The following LPCAT2 variants were observed in gnomAD, a reference collection of about 807,000 sequenced individuals.
LPCAT2 encodes lysophosphatidylcholine acyltransferase 2.
Under a neutral mutation model 64.7 loss-of-function variants are expected in LPCAT2, and 58 were observed. The observed-to-expected ratio is 0.90, with a 90% CI of 0.73 to 1.12. The LOEUF is 1.12. LPCAT2 is among the 50% of genes most tolerant of loss of function. LPCAT2 has a pLI of 0.00. For synonymous variants in LPCAT2, 252 were observed against 245.3 expected (o/e 1.03, Z -0.26); for missense variants, 579 against 669.8 (o/e 0.86, Z 1.50).
At chr16:55,565,434 T>C (rs1318398715) in intron 11 of LPCAT2, among the ~76,000 whole-genome samples, 1 of 152,050 alleles carries the variant, frequency 6.6e-6, no homozygotes, top group African/African-American at 2.4e-5. Context: ...TTATTCCCAA[T>C]AGCCAAAAGG....
chr16:55,551,665 T>C (rs1963519578), intron 11 of LPCAT2, among the ~76,000 whole-genome samples: 2 of 152,242 alleles, frequency 1.3e-5, no homozygotes, highest in African/African-American at 4.8e-5. Context: ...TACAGTTTGC[T>C]GCTTATGAAT....
chr16:55,514,609 G>T (rs1962981061), intron 1 of LPCAT2, among the ~76,000 whole-genome samples: 1 of 152,138 alleles, frequency 6.6e-6, no homozygotes, highest in Non-Finnish European at 1.5e-5. Context: ...AAGGGGATGA[G>T]AATAATTTCC....
intron 8 of LPCAT2, among the ~76,000 whole-genome samples, chr16:55,544,684 T>C (rs1290597302): frequency 2.0e-5 from 3 of 152,166 alleles, no homozygotes; most frequent in Non-Finnish European, 4.4e-5. Context: ...GAATTAGCTT[T>C]CCTGTGTGCA....
Position 55,525,522 on chromosome 16 carries a change from G to C in LPCAT2, c.186G>C (p.Gly62=), listed in dbSNP as rs1963157109. ...TTGACTTTCAGATTGTCCTTCTTGG[G>C]ATTATCTTGCTTCCAATTCGTGTCT... ...SARRVQIVLL[G]IILLPIRVLL... Residue 62 remains glycine (G), a synonymous_variant, in exon 2 of 14, where the codon GGG becomes GGC. Coordinates refer to ENST00000262134, the MANE Select transcript of LPCAT2 (RefSeq NM_017839.5). The C allele has an allele frequency of 1.9e-6, 3 of 1,604,248 alleles. No individual in the cohort carries two copies. The East Asian group carries it at 6.7e-5, about 36-fold the overall frequency.
intron 7 of LPCAT2, among the ~76,000 whole-genome samples, chr16:55,535,736 A>G (rs544573068): frequency 6.6e-6 from 1 of 152,306 alleles, no homozygotes; most frequent in African/African-American, 2.4e-5. Flanking sequence ...GCATACTTCC[A>G]CTTTCTGAGG....
At chr16:55,547,913 G>T (rs946115026) in intron 9 of LPCAT2, among the ~76,000 whole-genome samples, 5 of 152,072 alleles carry the variant, frequency 3.3e-5, no homozygotes, top group African/African-American at 1.2e-4. Context: ...GATTACAGGC[G>T]CCCACCATCA....
chr16:55,549,568 T>A (rs1436544831), intron 10 of LPCAT2, among the ~76,000 whole-genome samples, 166 bp downstream of exon 10: 1 of 152,216 alleles, frequency 6.6e-6, no homozygotes, highest in East Asian at 1.9e-4. Flanking sequence ...CATCTACTTT[T>A]GCTTTTTCAA....
In LPCAT2 at chr16:55,585,217, T is replaced by C. The variant is rs143852943; in HGVS notation, c.*2119T>C. 15 of 152,334 alleles carry C rather than the reference T, an allele frequency of 9.8e-5. No individual in the cohort carries two copies. The East Asian group carries it at 2.9e-3, about 29-fold the overall frequency. 9.4% of individuals were successfully genotyped at this position (152,334 alleles called of 1,614,324 possible). A position where few individuals can be genotyped will look rare whatever the true frequency, so the allele number is the denominator to read the frequency against. ...TCTGATTCTGCCATTTTGTCTCAAA[T>C]GTAATATACCCTTTTAATATCATAT... On this transcript the variant is annotated 3_prime_UTR_variant, in exon 14 of 14. Transcript: ENST00000262134.
intron 5 of LPCAT2, 189 bp downstream of exon 5, chr16:55,532,163 TC>T (rs1431563461): frequency 5.6e-6 from 3 of 538,434 alleles, no homozygotes; most frequent in Non-Finnish European, 1.0e-5. Context: ...ATAATTCCTC[TC>T]CCCTTGGAGT....
At chr16:55,523,462 G>T (rs1963126196) in intron 1 of LPCAT2, among the ~76,000 whole-genome samples, 1 of 151,598 alleles carries the variant, frequency 6.6e-6, no homozygotes, top group Non-Finnish European at 1.5e-5. Context: ...GAAAATGTAT[G>T]GTCACACAGA....
In LPCAT2 at chr16:55,584,211, A is replaced by G. The variant is rs2142430095; in HGVS notation, c.*1113A>G. On this transcript the variant is annotated 3_prime_UTR_variant, in exon 14 of 14. Coordinates refer to ENST00000262134, the MANE Select transcript of LPCAT2 (RefSeq NM_017839.5). ...AGCACTTGCCCTATAAATGAATCAG[A>G]TTTGTTCTATTTATATAATATTAGA... 1 of 152,238 alleles carries G rather than the reference A, an allele frequency of 6.6e-6. No individual in the cohort carries two copies. The highest frequency in any genetic ancestry group is 1.9e-4 in the East Asian group (1 of 5,180). 9.4% of individuals were successfully genotyped at this position (152,238 alleles called of 1,614,324 possible).
chr16:55,519,381 C>T (rs1399474794), intron 1 of LPCAT2, among the ~76,000 whole-genome samples: 11 of 149,766 alleles, frequency 7.3e-5, no homozygotes, highest in South Asian at 2.1e-4. Context: ...TGGTGGCGGG[C>T]GCCTGTAGTC....
intron 1 of LPCAT2, among the ~76,000 whole-genome samples, chr16:55,519,463 C>T (rs1232026517): frequency 1.3e-5 from 2 of 150,852 alleles, no homozygotes; most frequent in Non-Finnish European, 3.0e-5. Context: ...GAGCTGAGAT[C>T]CCGTCACTGC....
intron 1 of LPCAT2, among the ~76,000 whole-genome samples, chr16:55,512,010 C>A (rs1048358703): frequency 6.6e-6 from 1 of 152,152 alleles, no homozygotes. Flanking sequence ...CCCCAGTATA[C>A]CACCATACTT....
At chr16:55,566,814 G>A (rs777293329) in intron 11 of LPCAT2, 1 of 1,613,756 alleles carries the variant, frequency 6.2e-7, no homozygotes, top group East Asian at 2.2e-5. Context: ...AGAAGCTCTT[G>A]GAGGCCTCTT....
chr16:55,538,500 C>T (rs1216542919), intron 8 of LPCAT2: 1 of 151,996 alleles, frequency 6.6e-6, no homozygotes, highest in Non-Finnish European at 1.5e-5. Flanking sequence ...GTGATTTGGC[C>T]ATTTAGAGAC....
intron 1 of LPCAT2, among the ~76,000 whole-genome samples, chr16:55,525,133 T>C (rs1482074022): frequency 6.6e-6 from 1 of 152,092 alleles, no homozygotes; most frequent in African/African-American, 2.4e-5. Flanking sequence ...AATTTCCCCT[T>C]CTTACCTTGC....
intron 11 of LPCAT2, among the ~76,000 whole-genome samples, chr16:55,571,931 T>G (rs894135186): frequency 1.3e-5 from 2 of 152,198 alleles, no homozygotes; most frequent in Non-Finnish European, 2.9e-5. Context: ...AATGGATGAT[T>G]TATAAGATTC....
intron 1 of LPCAT2, among the ~76,000 whole-genome samples, chr16:55,515,161 A>C (rs1962992408): frequency 6.6e-6 from 1 of 152,118 alleles, no homozygotes; most frequent in South Asian, 2.1e-4. Flanking sequence ...ATGCCCAAAA[A>C]CTTGCTGATT....
Sources: allele counts gnomAD v4.1 joint callset (sites outside exome capture counted in the v4.1 genomes callset), GRCh38; gene constraint gnomAD v4.1.1; transcripts MANE v1.5; gene names NCBI Gene and HGNC (gene_info 2026-07-23, HGNC 2026-07-21).